The following KBTBD11 variants were observed in gnomAD, a reference collection of about 807,000 sequenced individuals.
The protein encoded by KBTBD11 is kelch repeat and BTB domain containing 11.
For missense variants in KBTBD11, 1,390 were observed against 1,001.8 expected (o/e 1.39, Z -5.23); for synonymous variants, 747 against 499.0 (o/e 1.50, Z -6.63).
chr8:1,987,794 ACATATATATACATGTGC>A (rs1816754436), intron 1 of KBTBD11, among the ~76,000 whole-genome samples: 1 of 152,008 alleles, frequency 6.6e-6, no homozygotes, highest in Non-Finnish European at 1.5e-5. Flanking sequence ...CAGGTTGGTT[ACATATATATACATGTGC>A]CATGTTGGTT....
chr8:1,986,502 C>G (rs1370860792), intron 1 of KBTBD11, among the ~76,000 whole-genome samples: 2 of 152,170 alleles, frequency 1.3e-5, no homozygotes, highest in Non-Finnish European at 2.9e-5. Flanking sequence ...ACAAGTCTCT[C>G]TTTTATGAAA....
chr8:1,976,801 A>G (rs1355340949), intron 1 of KBTBD11, among the ~76,000 whole-genome samples: 1 of 152,176 alleles, frequency 6.6e-6, no homozygotes, highest in Non-Finnish European at 1.5e-5. Context: ...GAACTAAGGG[A>G]TGAGAGGGGT....
intron 1 of KBTBD11, among the ~76,000 whole-genome samples, chr8:1,991,266 A>G (rs1464198491): frequency 1.3e-5 from 2 of 152,214 alleles, no homozygotes; most frequent in African/African-American, 2.4e-5. Context: ...TGCTCTTTAT[A>G]CACACCGCGT....
intron 1 of KBTBD11, among the ~76,000 whole-genome samples, chr8:1,994,545 A>G (rs982309923): frequency 3.3e-5 from 5 of 152,244 alleles, no homozygotes; most frequent in African/African-American, 4.8e-5. Context: ...TTAAAACTGC[A>G]TGGCTTATAA....
At position 2,003,260 on chromosome 8, in the gene KBTBD11, G is replaced by A; in HGVS notation, c.*196G>A. 1.1e-6 allele frequency: 1 copy of A among 891,386 alleles called. No homozygotes were observed. Among genetic ancestry groups the A allele is most frequent in the Non-Finnish European group, 1.5e-6 (1 of 666,860 alleles). 55.2% of individuals were successfully genotyped at this position (891,386 alleles called of 1,614,324 possible). ...CTTTTGCTTGTCTTTGCTTCTGGGG[G>A]TGGATGCCTTGAGACCCAGGAGGTG... is the stretch of plus-strand genomic sequence containing the variant. On this transcript the variant is annotated 3_prime_UTR_variant, in exon 2 of 2. Coordinates refer to ENST00000320248, the MANE Select transcript of KBTBD11 (RefSeq NM_014867.3).
intron 1 of KBTBD11, among the ~76,000 whole-genome samples, chr8:1,977,685 A>G (rs976236406): frequency 3.2e-5 from 3 of 93,624 alleles, no homozygotes; most frequent in South Asian, 4.4e-4. Context: ...CAGCACACCC[A>G]ACTTATTTAT....
At chr8:1,995,591 A>T (rs1252823370) in intron 1 of KBTBD11, among the ~76,000 whole-genome samples, 1 of 151,644 alleles carries the variant, frequency 6.6e-6, no homozygotes, top group Non-Finnish European at 1.5e-5. Context: ...GATGGCACCG[A>T]CTCCCTTCTT....
At chr8:1,993,544 CCCACCCACCCACCCATCCAT>C (rs1203282530) in intron 1 of KBTBD11, among the ~76,000 whole-genome samples, 8 of 90,652 alleles carry the variant, frequency 8.8e-5, no homozygotes, top group Admixed American at 3.6e-4. Context: ...CACCCACCCA[CCCACCCACCCACCCATCCAT>C]CCATCCATCC....
At position 2,003,883 on chromosome 8, in the gene KBTBD11, C is replaced by G. The variant is rs1261597279; in HGVS notation, c.*819C>G. ...TAAGTAGGAAAAACTTACCAGGGTG[C>G]TTGTCTATCTAAAAAGCAATCTTTG... On this transcript the variant is annotated 3_prime_UTR_variant, in exon 2 of 2. Transcript: ENST00000320248. The G allele has an allele frequency of 6.0e-6, 1 of 166,894 alleles. No homozygotes were observed. Among genetic ancestry groups the G allele is most frequent in the African/African-American group, 2.4e-5 (1 of 41,432 alleles). 10.3% of individuals were successfully genotyped at this position (166,894 alleles called of 1,614,324 possible).
In KBTBD11 at chr8:2,003,069, G is replaced by C. The variant is rs1817459112; in HGVS notation, c.*5G>C. The C allele has an allele frequency of 8.0e-7, 1 of 1,257,498 alleles. No homozygotes were observed. The highest frequency in any genetic ancestry group is 1.6e-5 in the African/African-American group (1 of 64,444). The allele number at this position is 1,257,498 out of a possible 1,614,324, so 77.9% of individuals were successfully genotyped here. A position where few individuals can be genotyped will look rare whatever the true frequency, so the allele number is the denominator to read the frequency against. On this transcript the variant is annotated 3_prime_UTR_variant, in exon 2 of 2. Coordinates refer to ENST00000320248, the MANE Select transcript of KBTBD11 (RefSeq NM_014867.3). ...GGGGAGCAGGGCGCCCCGTAGGCCGGCGGGGTCGGCGGGCGTCTCCCTCGG... is the reference window on the plus strand; with the variant it reads ...GGGGAGCAGGGCGCCCCGTAGGCCGCCGGGGTCGGCGGGCGTCTCCCTCGG...
chr8:1,979,677 C>A (rs1172620681), intron 1 of KBTBD11, among the ~76,000 whole-genome samples: 1 of 152,238 alleles, frequency 6.6e-6, no homozygotes, highest in Non-Finnish European at 1.5e-5. Flanking sequence ...GACTAAATAT[C>A]TGGGTACTGT....
chr8:2,006,619 A>T lies in KBTBD11; in HGVS notation c.*3555A>T, dbSNP rs1817580522. On this transcript the variant is annotated 3_prime_UTR_variant, in exon 2 of 2. Coordinates refer to ENST00000320248, the MANE Select transcript of KBTBD11 (RefSeq NM_014867.3). Reference sequence around the variant, plus strand: ...TGCAGCCTTCGGGCACCCGGCACAGACACTGTGCTGGCAGGAGCTTCAGAC... The same window carrying T: ...TGCAGCCTTCGGGCACCCGGCACAGTCACTGTGCTGGCAGGAGCTTCAGAC... The T allele has an allele frequency of 6.0e-6, 1 of 167,122 alleles. No individual in the cohort carries two copies. The highest frequency in any genetic ancestry group is 2.4e-5 in the African/African-American group (1 of 41,468). The allele number at this position is 167,122 out of a possible 1,614,324, so 10.4% of individuals were successfully genotyped here. A position where few individuals can be genotyped will look rare whatever the true frequency, so the allele number is the denominator to read the frequency against.
At chr8:1,995,708 A>T (rs1817111527) in intron 1 of KBTBD11, among the ~76,000 whole-genome samples, 1 of 152,184 alleles carries the variant, frequency 6.6e-6, no homozygotes, top group Admixed American at 6.5e-5. Context: ...AGCAGTTGAA[A>T]GTGAACCAAT....
rs3779715 is a variant in KBTBD11 at position 2,005,014 on chromosome 8, T to G, written c.*1950T>G. ...ACTGTGATTTTACTTGTGAAATCAT[T>G]CCTGTAATGTTTATTGTTTGAAAAT... is the stretch of plus-strand genomic sequence containing the variant. On this transcript the variant is annotated 3_prime_UTR_variant, in exon 2 of 2. Coordinates refer to ENST00000320248, the MANE Select transcript of KBTBD11 (RefSeq NM_014867.3). 12,667 of 167,168 alleles carry G rather than the reference T, an allele frequency of 0.076. 674 individuals carry two copies. Among genetic ancestry groups the G allele is most frequent in the Admixed American group, 0.17 (2,539 of 15,304 alleles). The allele number at this position is 167,168 out of a possible 1,614,324, so 10.4% of individuals were successfully genotyped here.
chr8:1,989,657 CCT>C (rs1487472752), intron 1 of KBTBD11, among the ~76,000 whole-genome samples: 2 of 152,142 alleles, frequency 1.3e-5, no homozygotes, highest in Non-Finnish European at 2.9e-5. Flanking sequence ...TGAGGTGTCC[CCT>C]CTCTGCACGA....
rs149410757 is a variant in KBTBD11 at position 1,979,260 on chromosome 8, C to T, written c.-909+5325C>T. On this transcript the variant is annotated intron_variant, in intron 1 of 1. Transcript: ENST00000320248. ...CTTTTTAAGGCTTTGACTGATTGGA[C>T]GAGGCCCACCCATATTGTGAATAGA... is the stretch of plus-strand genomic sequence containing the variant. Among the ~76,000 whole-genome samples the T allele has an allele frequency of 1.4e-4, 22 of 152,286 alleles. No individual in the cohort carries two copies. The East Asian group carries it at 1.7e-3, about 12-fold the overall frequency.
At chr8:1,982,023 C>G (rs1303161093) in intron 1 of KBTBD11, among the ~76,000 whole-genome samples, 1 of 152,180 alleles carries the variant, frequency 6.6e-6, no homozygotes, top group Non-Finnish European at 1.5e-5. Context: ...GTTGGTTCTG[C>G]TTCTCTGGAG....
In KBTBD11 at chr8:2,002,025, G is replaced by T; in HGVS notation, c.833G>T (p.Gly278Val). 7.2e-7 allele frequency: 1 copy of T among 1,388,460 alleles called. No individual in the cohort carries two copies. The highest frequency in any genetic ancestry group is 9.4e-7 in the Non-Finnish European group (1 of 1,058,846). The allele number at this position is 1,388,460 out of a possible 1,614,324, so 86.0% of individuals were successfully genotyped here. A position where few individuals can be genotyped will look rare whatever the true frequency, so the allele number is the denominator to read the frequency against. The change falls in exon 2 of 2, where the codon GGC becomes GTC. Residue 278 changes from glycine to valine, a missense_variant. By Grantham distance (109) the Gly-to-Val change is moderately radical. Coordinates refer to ENST00000320248, the MANE Select transcript of KBTBD11 (RefSeq NM_014867.3). The surrounding 1 kb of genome is among the most constrained non-coding windows in gnomAD (Gnocchi z 4.1). ...CCCGCCGTGTTCGGCCGCCTGTCGG[G>T]CGCAGAGCGGGACCTGCTGCTGCGC... Reference protein sequence around the residue: ...REPAVFGRLSGAERDLLLRRR... With the variant: ...REPAVFGRLSVAERDLLLRRR...
chr8:1,988,320 A>G (rs1428644235), intron 1 of KBTBD11, among the ~76,000 whole-genome samples: 2 of 152,182 alleles, frequency 1.3e-5, no homozygotes, highest in African/African-American at 2.4e-5. Context: ...GTCTTCCACA[A>G]TGGTTGAACT....
Sources: gnomAD v4.1 joint callset for allele counts (sites outside exome capture counted in the v4.1 genomes callset) on GRCh38, gnomAD v4.1.1 for gene constraint, Gnocchi (gnomAD v3.1) non-coding constraint, MANE v1.5 for transcripts, NCBI Gene and HGNC (gene_info 2026-07-23, HGNC 2026-07-21) for gene names.